CNTRL: variants seen among roughly 807,000 people sequenced by gnomAD.
CNTRL encodes 110 kDa centrosomal protein.
In CNTRL, 233 loss-of-function variants were observed where a neutral mutation model predicts 303.7. That is an observed-to-expected ratio of 0.77 (90% confidence interval 0.69 to 0.86). The LOEUF is 0.86. Among genes scored for constraint, CNTRL ranks in the 40% least tolerant of loss-of-function variants. CNTRL has a pLI of 0.00. For missense variants in CNTRL, 2,524 were observed against 2,650.6 expected (o/e 0.95, Z 1.05); for synonymous variants, 900 against 922.2 (o/e 0.98, Z 0.44).
At chr9:121,090,659 A>C (rs2048527922) in intron 4 of CNTRL, among the ~76,000 whole-genome samples, 1 of 152,196 alleles carries the variant, frequency 6.6e-6, no homozygotes, top group Non-Finnish European at 1.5e-5. Flanking sequence ...CCAGCTATCT[A>C]TTTTTGTAAG....
intron 14 of CNTRL, among the ~76,000 whole-genome samples, chr9:121,135,300 C>T (rs1045923950): frequency 2.0e-5 from 3 of 152,074 alleles, no homozygotes; most frequent in Admixed American, 6.5e-5. Context: ...GCTTTGGAGT[C>T]GGAGATCTAC....
Position 121,098,586 on chromosome 9 carries a change from T to C in CNTRL, c.808+14T>C. On this transcript the variant is annotated intron_variant, in intron 7 of 43. Transcript: ENST00000373855. Reference sequence around the variant, plus strand: ...GATTCAGTTTAGGTAAGATTAAATTTAAAAAATAATAAATTTGGGTGAGGG... The same window carrying C: ...GATTCAGTTTAGGTAAGATTAAATTCAAAAAATAATAAATTTGGGTGAGGG... 1 of 1,509,492 alleles carries C rather than the reference T, an allele frequency of 6.6e-7. No homozygotes were observed. The highest frequency in any genetic ancestry group is 8.9e-7 in the Non-Finnish European group (1 of 1,117,856). 93.5% of individuals were successfully genotyped at this position (1,509,492 alleles called of 1,614,324 possible).
intron 14 of CNTRL, among the ~76,000 whole-genome samples, chr9:121,131,174 C>T (rs1372406246): frequency 6.6e-6 from 1 of 152,172 alleles, no homozygotes; most frequent in African/African-American, 2.4e-5. Context: ...GAGTTCAATT[C>T]CTGGATATCC....
Position 121,125,797 on chromosome 9 carries a change from A to G in CNTRL, c.1886A>G (p.Lys629Arg), listed in dbSNP as rs150983952. 4 of 1,614,102 alleles carry G rather than the reference A, an allele frequency of 2.5e-6. No homozygotes were observed. Residue 629 changes from lysine (K) to arginine (R), a missense_variant, in exon 14 of 44, where the codon AAA becomes AGA. Physicochemically the swap from Lys to Arg is conservative, Grantham distance 26 (BLOSUM62 2). Coordinates refer to ENST00000373855, the MANE Select transcript of CNTRL (RefSeq NM_007018.6). ...TTGCAAGAATACCTGGGGACCATTAAAGGCCAGGCAACTCAGGCCCAGAAT... is the reference window on the plus strand; with the variant it reads ...TTGCAAGAATACCTGGGGACCATTAGAGGCCAGGCAACTCAGGCCCAGAAT... ...SGLQEYLGTI[K>R]GQATQAQNEC... is the part of the protein sequence containing the mutation.
At chr9:121,117,991 A>T (rs2050059941) in intron 11 of CNTRL, among the ~76,000 whole-genome samples, 1 of 152,042 alleles carries the variant, frequency 6.6e-6, no homozygotes. Flanking sequence ...AAAAAAAAAA[A>T]AGTATATAAA....
At chr9:121,122,034 C>A in intron 12 of CNTRL, 1 of 480,460 alleles carries the variant, frequency 2.1e-6, no homozygotes, top group Non-Finnish European at 2.7e-6. Context: ...TACAATAACT[C>A]TTTTGTGAGC....
At chr9:121,101,245 C>T (rs979530308) in intron 7 of CNTRL, among the ~76,000 whole-genome samples, 1 of 152,218 alleles carries the variant, frequency 6.6e-6, no homozygotes, top group Non-Finnish European at 1.5e-5. Context: ...GATTAAGAAA[C>T]TCACTCAAAA....
At chr9:121,126,881 G>A (rs1267369481) in intron 14 of CNTRL, among the ~76,000 whole-genome samples, 1 of 151,914 alleles carries the variant, frequency 6.6e-6, no homozygotes, top group African/African-American at 2.4e-5. Flanking sequence ...GAGTGCAGTG[G>A]CGCAATCTCG....
intron 16 of CNTRL, among the ~76,000 whole-genome samples, chr9:121,140,099 G>C (rs968096717): frequency 5.3e-5 from 8 of 152,182 alleles, no homozygotes; most frequent in African/African-American, 1.9e-4. Context: ...CTAGGAACCA[G>C]AGCTGCTCTG....
At position 121,107,994 on chromosome 9, in the gene CNTRL, T is replaced by G; in HGVS notation, c.1001T>G (p.Leu334Trp). ...LKSDLNTKNELLKQKTIELTR... is the reference protein window; with the variant it reads ...LKSDLNTKNEWLKQKTIELTR... ...AGTGACTTAAACACAAAAAATGAAT[T>G]GGTAAGTTCATATTTTACATTGCTT... Residue 334 changes from leucine (L) to tryptophan (W), a missense_variant and splice_region_variant, in exon 8 of 44, where the codon TTG becomes TGG. Physicochemically the swap from Leu to Trp is moderately conservative, Grantham distance 61. Transcript: ENST00000373855. The G allele has an allele frequency of 1.3e-6, 2 of 1,570,014 alleles. No homozygotes were observed. Among genetic ancestry groups the G allele is most frequent in the Non-Finnish European group, 1.7e-6 (2 of 1,163,436 alleles).
At chr9:121,104,581 CAGAT>C (rs1257606578) in intron 7 of CNTRL, among the ~76,000 whole-genome samples, 3 of 151,148 alleles carry the variant, frequency 2.0e-5, no homozygotes, top group Non-Finnish European at 4.4e-5. Flanking sequence ...AAAAGAAAAT[CAGAT>C]AGACTGGAGG....
At chr9:121,156,987 T>C (rs921627647) in intron 27 of CNTRL, among the ~76,000 whole-genome samples, 1 of 152,250 alleles carries the variant, frequency 6.6e-6, no homozygotes, top group African/African-American at 2.4e-5. Flanking sequence ...TAAAATGATA[T>C]AATAGTATTA....
chr9:121,176,932 A>AG (rs1554768213), intron 43 of CNTRL, among the ~76,000 whole-genome samples: 1 of 151,464 alleles, frequency 6.6e-6, no homozygotes, highest in African/African-American at 2.4e-5. Context: ...GATGTTACAG[A>AG]TTTTTTTTTA....
intron 7 of CNTRL, among the ~76,000 whole-genome samples, chr9:121,107,598 A>T (rs1164253387): frequency 6.6e-6 from 1 of 152,230 alleles, no homozygotes; most frequent in Non-Finnish European, 1.5e-5. Context: ...ATTATCTTTT[A>T]AAAATATCAT....
intron 8 of CNTRL, among the ~76,000 whole-genome samples, chr9:121,111,478 G>C (rs2133108715): frequency 6.6e-6 from 1 of 152,168 alleles, no homozygotes; most frequent in South Asian, 2.1e-4. Flanking sequence ...GCACGACTTT[G>C]ATTTCCTGGG....
chr9:121,101,103 C>T (rs1205576952), intron 7 of CNTRL, among the ~76,000 whole-genome samples: 1 of 152,228 alleles, frequency 6.6e-6, no homozygotes, highest in Admixed American at 6.5e-5. Flanking sequence ...ATACATTCTT[C>T]TCAGCACCAC....
At chr9:121,154,963 T>C (rs747504160) in intron 27 of CNTRL, 50 bp downstream of exon 27, 2 of 1,465,502 alleles carry the variant, frequency 1.4e-6, no homozygotes, top group South Asian at 2.3e-5. Flanking sequence ...GTGAGTCAGC[T>C]TACTGTCCAC....
At chr9:121,095,466 A>AAT (rs1198156433) in intron 5 of CNTRL, among the ~76,000 whole-genome samples, 1 of 152,194 alleles carries the variant, frequency 6.6e-6, no homozygotes, top group Non-Finnish European at 1.5e-5. Context: ...TCCAATTCAT[A>AAT]ATATATATTA....
chr9:121,110,353 G>A (rs1005412706), intron 8 of CNTRL, among the ~76,000 whole-genome samples: 5 of 152,106 alleles, frequency 3.3e-5, no homozygotes, highest in African/African-American at 1.2e-4. Flanking sequence ...GTAATGGAAG[G>A]TAGTAAATCT....
Sources: gnomAD v4.1 joint callset for allele counts (sites outside exome capture counted in the v4.1 genomes callset) on GRCh38, gnomAD v4.1.1 for gene constraint, MANE v1.5 for transcripts, NCBI Gene and HGNC (gene_info 2026-07-23, HGNC 2026-07-21) for gene names.